Variants in CNOT6 observed in about 807,000 individuals in gnomAD.
CNOT6 encodes CCR4-NOT transcription complex subunit 6, also known as carbon catabolite repression 4 protein.
Under a neutral mutation model 61.2 loss-of-function variants are expected in CNOT6, and 12 were observed. The observed-to-expected ratio is 0.20, with a 90% CI of 0.13 to 0.32. The LOEUF is 0.32. CNOT6 is among the 10% of genes least tolerant of loss of function. CNOT6 has a pLI of 1.00. For synonymous variants in CNOT6, 225 were observed against 240.6 expected, an observed-to-expected ratio of 0.94 and a Z score of 0.60; for missense variants, 405 against 663.9, an observed-to-expected ratio of 0.61 and a Z score of 4.28.
chr5:180,538,686 GTATATATATATATATATA>G (rs59342527), intron 2 of CNOT6, among the ~76,000 whole-genome samples: 4,244 of 85,124 alleles, frequency 0.05, 270 homozygotes, highest in African/African-American at 0.13. Context: ...TGAGAAAAAG[GTATATATATATATATATA>G]TATATATATA....
rs1477132594 is a variant in CNOT6, at chr5:180,578,071, C to G, written c.*3871C>G. Reference sequence around the variant, plus strand: ...ATTTAAAATTCTGAATCTTCTGGGACAGGGTTGTAACTCAGCCTTCCAAAG... The same window carrying G: ...ATTTAAAATTCTGAATCTTCTGGGAGAGGGTTGTAACTCAGCCTTCCAAAG... On this transcript the variant is annotated 3_prime_UTR_variant, in exon 12 of 12. Transcript: ENST00000261951. 1 of 152,572 alleles carries G rather than the reference C, an allele frequency of 6.6e-6. No individual in the cohort carries two copies. Among genetic ancestry groups the G allele is most frequent in the Non-Finnish European group, 1.5e-5 (1 of 68,034 alleles). 9.5% of individuals were successfully genotyped at this position (152,572 alleles called of 1,614,324 possible).
chr5:180,553,526 A>C (rs954737570), intron 4 of CNOT6, 55 bp downstream of exon 4: 2 of 1,315,404 alleles, frequency 1.5e-6, no homozygotes, highest in African/African-American at 3.0e-5. Flanking sequence ...TTTGAATCTA[A>C]AGAAGCCAAG....
chr5:180,503,059 C>T (rs1285075551), intron 1 of CNOT6, among the ~76,000 whole-genome samples: 1 of 151,916 alleles, frequency 6.6e-6, no homozygotes, highest in Non-Finnish European at 1.5e-5. Context: ...GGGTTCATAG[C>T]CACTGAAGAA....
chr5:180,561,783 C>T (rs1008995722), intron 4 of CNOT6, among the ~76,000 whole-genome samples: 2 of 152,184 alleles, frequency 1.3e-5, no homozygotes, highest in African/African-American at 4.8e-5. Flanking sequence ...ACAGGCACCG[C>T]ACTGGCGTGT....
At chr5:180,511,855 C>G (rs1049755491) in intron 1 of CNOT6, among the ~76,000 whole-genome samples, 1 of 152,164 alleles carries the variant, frequency 6.6e-6, no homozygotes. Flanking sequence ...CTCCTGGGCT[C>G]AAGCAATCCT....
chr5:180,555,594 C>A (rs1373633872), intron 4 of CNOT6, among the ~76,000 whole-genome samples: 2 of 152,110 alleles, frequency 1.3e-5, no homozygotes, highest in Non-Finnish European at 2.9e-5. Context: ...TTTTTCTGAG[C>A]TTTTGCAGTT....
At chr5:180,528,471 C>T (rs1002843693) in intron 1 of CNOT6, among the ~76,000 whole-genome samples, 2 of 151,896 alleles carry the variant, frequency 1.3e-5, no homozygotes, top group Non-Finnish European at 2.9e-5. Flanking sequence ...CCACCATGCC[C>T]GGCTAATTTT....
chr5:180,524,273 G>A (rs77128354), intron 1 of CNOT6, among the ~76,000 whole-genome samples: 2,693 of 152,254 alleles, frequency 0.018, 71 homozygotes, highest in African/African-American at 0.06. Context: ...TTTTTAGAGA[G>A]CAAGAAGTAC....
At chr5:180,558,572 T>G (rs1192655240) in intron 4 of CNOT6, among the ~76,000 whole-genome samples, 1 of 151,646 alleles carries the variant, frequency 6.6e-6, no homozygotes, top group Non-Finnish European at 1.5e-5. Context: ...AGACTTTTAT[T>G]TCATTGAGTT....
chr5:180,540,945 C>T (rs1758998360), intron 2 of CNOT6, among the ~76,000 whole-genome samples: 1 of 152,006 alleles, frequency 6.6e-6, no homozygotes, highest in Admixed American at 6.6e-5. Flanking sequence ...AATTTTCCTT[C>T]TGACAAAAAG....
chr5:180,572,194 C>G (rs1267365213), intron 11 of CNOT6, among the ~76,000 whole-genome samples: 1 of 151,952 alleles, frequency 6.6e-6, no homozygotes, highest in Middle Eastern at 3.2e-3. Context: ...TAAGATACAT[C>G]TTTTTTCTCC....
intron 1 of CNOT6, among the ~76,000 whole-genome samples, chr5:180,526,967 C>A (rs1011900637): frequency 1.3e-5 from 2 of 151,416 alleles, no homozygotes; most frequent in African/African-American, 4.9e-5. Context: ...GCAGCCTCAA[C>A]CTCCTGGGTT....
chr5:180,555,676 A>G (rs1233198443), intron 4 of CNOT6, among the ~76,000 whole-genome samples: 1 of 152,180 alleles, frequency 6.6e-6, no homozygotes, highest in Non-Finnish European at 1.5e-5. Context: ...CTGCTGCTTT[A>G]CTTCTTAAAG....
At chr5:180,531,878 G>T (rs1389201811) in intron 2 of CNOT6, among the ~76,000 whole-genome samples, 1 of 152,232 alleles carries the variant, frequency 6.6e-6, no homozygotes, top group East Asian at 1.9e-4. Flanking sequence ...CAGGCACTCT[G>T]CAGGCTGAGG....
intron 1 of CNOT6, among the ~76,000 whole-genome samples, chr5:180,514,282 T>A (rs1294298009): frequency 6.6e-6 from 1 of 151,948 alleles, no homozygotes; most frequent in Non-Finnish European, 1.5e-5. Flanking sequence ...ATCAGCCACA[T>A]GTGTTGGGGG....
At chr5:180,573,600 TGTCC>T (rs71765446) in intron 11 of CNOT6, among the ~76,000 whole-genome samples, 8,110 of 24,348 alleles carry the variant, frequency 0.33, 562 homozygotes, top group East Asian at 0.55. Flanking sequence ...TGTGTGTGTG[TGTCC>T]GTCCGTCCGT....
chr5:180,516,516 A>G (rs1315347023), intron 1 of CNOT6, among the ~76,000 whole-genome samples: 2 of 152,164 alleles, frequency 1.3e-5, no homozygotes, highest in African/African-American at 2.4e-5. Context: ...TTATCTTGTC[A>G]GTTAAGATTG....
intron 2 of CNOT6, among the ~76,000 whole-genome samples, chr5:180,538,854 G>T (rs1309054904): frequency 2.0e-5 from 3 of 151,528 alleles, no homozygotes; most frequent in African/African-American, 7.3e-5. Context: ...ACTCCAGCCT[G>T]GGTGATAGAG....
chr5:180,507,580 G>C (rs4002641), intron 1 of CNOT6, among the ~76,000 whole-genome samples: 69,518 of 151,968 alleles, frequency 0.46, 17,124 homozygotes, highest in Non-Finnish European at 0.56. Context: ...CCAGCCTGGG[G>C]GACAAGAGCG....
Sources: allele counts gnomAD v4.1 joint callset (sites outside exome capture counted in the v4.1 genomes callset), GRCh38; gene constraint gnomAD v4.1.1; transcripts MANE v1.5; gene names NCBI Gene and HGNC (gene_info 2026-07-23, HGNC 2026-07-21).